Variants in OPCML observed in about 807,000 individuals in gnomAD.
OPCML encodes opioid binding protein/cell adhesion molecule like, also known as opioid-binding protein/cell adhesion molecule.
In OPCML, 13 loss-of-function variants were observed where a neutral mutation model predicts 37.8. That is an observed-to-expected ratio of 0.34 (90% confidence interval 0.22 to 0.55). OPCML has a LOEUF of 0.55. OPCML is among the 20% of genes least tolerant of loss of function. The probability of loss-of-function intolerance (pLI) is 0.91; values close to 1 mark genes in which losing one functional copy is unlikely to be tolerated. For synonymous variants in OPCML, 176 were observed against 168.8 expected (o/e 1.04, Z -0.33); for missense variants, 341 against 435.6 (o/e 0.78, Z 1.93).
chr11:132,529,570 G>A (rs1018695803), intron 3 of OPCML, among the ~76,000 whole-genome samples: 1 of 152,168 alleles, frequency 6.6e-6, no homozygotes, highest in Non-Finnish European at 1.5e-5. Flanking sequence ...CCATTAGGGA[G>A]CCCTGTCCTC....
chr11:133,011,948 T>G (rs934730307), intron 1 of OPCML, among the ~76,000 whole-genome samples: 2 of 152,222 alleles, frequency 1.3e-5, no homozygotes, highest in African/African-American at 4.8e-5. Flanking sequence ...ACAGACAGTT[T>G]GTAAACAAAT....
intron 2 of OPCML, among the ~76,000 whole-genome samples, chr11:132,736,163 T>A (rs1422520140): frequency 6.6e-6 from 1 of 152,162 alleles, no homozygotes; most frequent in Non-Finnish European, 1.5e-5. Context: ...TTCTATGACA[T>A]GTTGAATGTG....
Position 133,135,396 on chromosome 11 carries a change from T to A in OPCML, c.62-192386A>T, listed in dbSNP as rs113835430. Among the ~76,000 whole-genome samples, 518 of 151,974 alleles carry A rather than the reference T, an allele frequency of 3.4e-3. 1 individual carries two copies. Among genetic ancestry groups the A allele is most frequent in the African/African-American group, 0.012 (480 of 41,454 alleles). On this transcript the variant is annotated intron_variant, in intron 1 of 7. Coordinates refer to ENST00000524381, the MANE Select transcript of OPCML (RefSeq NM_001012393.5). The stretch of plus-strand genomic sequence containing the variant: ...CTTCAACAGCTTTGCCTCTTTCCTG[T>A]GCAAGAGGTGGGTGTGTTGATTCCT...
intron 1 of OPCML, among the ~76,000 whole-genome samples, chr11:133,327,473 G>C (rs910385840): frequency 6.6e-6 from 1 of 151,904 alleles, no homozygotes. Flanking sequence ...TTCCTAGACA[G>C]GGAGGTAACA....
intron 4 of OPCML, among the ~76,000 whole-genome samples, chr11:132,438,415 G>T (rs988068471): frequency 1.3e-5 from 2 of 152,246 alleles, no homozygotes; most frequent in Non-Finnish European, 2.9e-5. Flanking sequence ...ACAACCTTGT[G>T]CAAGCATGTT....
chr11:132,933,655 C>A (rs1294111969), intron 2 of OPCML, among the ~76,000 whole-genome samples: 1 of 152,128 alleles, frequency 6.6e-6, no homozygotes, highest in Non-Finnish European at 1.5e-5. Context: ...AAACATTCAT[C>A]TTTTCAGAAA....
intron 4 of OPCML, among the ~76,000 whole-genome samples, chr11:132,515,292 G>T (rs2096277277): frequency 6.6e-6 from 1 of 152,116 alleles, no homozygotes; most frequent in South Asian, 2.1e-4. Flanking sequence ...ACACAAGGAA[G>T]GGGACAGGAA....
intron 2 of OPCML, among the ~76,000 whole-genome samples, chr11:132,766,528 C>A (rs1018747155): frequency 2.0e-5 from 3 of 152,112 alleles, no homozygotes; most frequent in Non-Finnish European, 4.4e-5. Flanking sequence ...TCTCCTGGAA[C>A]CTCACATAGT....
In OPCML at chr11:133,297,163, C is replaced by T. The variant is rs1592177779; in HGVS notation, c.61+235101G>A. ...TTCTGAGGTCTCTCCTGAAGAAGCT[C>T]AAAACAATAATCAAATATCACTTAC... is the stretch of plus-strand genomic sequence containing the variant. On this transcript the variant is annotated intron_variant, in intron 1 of 7. Transcript: ENST00000524381. 2.0e-5 allele frequency: 3 copies of T among 151,832 alleles called. No individual in the cohort carries two copies. The Middle Eastern group carries it at 0.01, about 520-fold the overall frequency. 9.4% of individuals were successfully genotyped at this position (151,832 alleles called of 1,614,324 possible).
intron 1 of OPCML, among the ~76,000 whole-genome samples, chr11:133,437,690 T>TG (rs112898092): frequency 7.2e-5 from 7 of 97,752 alleles, no homozygotes; most frequent in African/African-American, 1.3e-4. Flanking sequence ...CTCTCCCCTC[T>TG]CAACCCCGCT....
At position 132,477,858 on chromosome 11, in the gene OPCML, T is replaced by C. The variant is rs560390931; in HGVS notation, c.506-40499A>G. 5.9e-5 allele frequency among the ~76,000 whole-genome samples: 9 copies of C among 152,296 alleles called. No homozygotes were observed. In the East Asian group the frequency reaches 1.2e-3, roughly 20 times the overall value. On this transcript the variant is annotated intron_variant, in intron 4 of 7. Coordinates refer to ENST00000524381, the MANE Select transcript of OPCML (RefSeq NM_001012393.5). ...TCATTATAAAATCTCTTGGGGTGCATAGAGTAATTTACTTGTAAAGATTTT... is the reference window on the plus strand; with the variant it reads ...TCATTATAAAATCTCTTGGGGTGCACAGAGTAATTTACTTGTAAAGATTTT...
At chr11:133,508,191 G>A (rs186911400) in intron 1 of OPCML, among the ~76,000 whole-genome samples, 21 of 152,230 alleles carry the variant, frequency 1.4e-4, no homozygotes, top group African/African-American at 5.1e-4. Flanking sequence ...CTGGGAGGTA[G>A]CAGAGAAAGA....
chr11:132,439,850 C>T (rs1192903472), intron 4 of OPCML, among the ~76,000 whole-genome samples: 1 of 152,118 alleles, frequency 6.6e-6, no homozygotes, highest in Non-Finnish European at 1.5e-5. Flanking sequence ...ACATGGGCTA[C>T]CTGCTGAGGG....
intron 4 of OPCML, among the ~76,000 whole-genome samples, chr11:132,460,216 A>G (rs893232309): frequency 1.4e-5 from 2 of 143,984 alleles, no homozygotes; most frequent in Non-Finnish European, 3.0e-5. Context: ...AGTTAAAGTG[A>G]CTTTTTTTTT....
At chr11:133,528,163 G>C (rs1948526787) in intron 1 of OPCML, among the ~76,000 whole-genome samples, 3 of 152,260 alleles carry the variant, frequency 2.0e-5, no homozygotes, top group Non-Finnish European at 4.4e-5. Context: ...CTCAGGTTGA[G>C]TAGTGCTGCC....
intron 4 of OPCML, among the ~76,000 whole-genome samples, chr11:132,511,636 G>A (rs1195720370): frequency 2.0e-5 from 3 of 146,938 alleles, no homozygotes; most frequent in East Asian, 3.9e-4. Flanking sequence ...AGAAACTAAG[G>A]TAATTCATTA....
At chr11:132,446,106 T>C (rs973472089) in intron 4 of OPCML, among the ~76,000 whole-genome samples, 2 of 137,610 alleles carry the variant, frequency 1.5e-5, no homozygotes, top group Non-Finnish European at 3.1e-5. Context: ...CTTGTGTCTT[T>C]TTTTTTTTTT....
intron 1 of OPCML, among the ~76,000 whole-genome samples, chr11:133,071,594 G>A (rs1258535759): frequency 1.1e-4 from 17 of 152,140 alleles, no homozygotes; most frequent in Admixed American, 1.1e-3. Context: ...GAATGATGTG[G>A]GCAAGTCACT....
intron 1 of OPCML, among the ~76,000 whole-genome samples, chr11:132,984,526 C>T (rs999936317): frequency 9.2e-5 from 14 of 152,186 alleles, no homozygotes; most frequent in Non-Finnish European, 1.5e-4. Flanking sequence ...TTTCCCTTTT[C>T]GTAAGTATAA....
Sources: gnomAD v4.1 joint callset for allele counts (sites outside exome capture counted in the v4.1 genomes callset) on GRCh38, gnomAD v4.1.1 for gene constraint, MANE v1.5 for transcripts, NCBI Gene and HGNC (gene_info 2026-07-23, HGNC 2026-07-21) for gene names.